MACIR: variants seen among roughly 807,000 people sequenced by gnomAD.
MACIR encodes UNC119-binding protein C5orf30.
MACIR carries 4 observed loss-of-function variants against 14.3 expected under a neutral mutation model. The ratio of observed to expected loss-of-function variants is 0.28; its 90% CI spans 0.14 to 0.64. MACIR has a LOEUF of 0.64. Among genes scored for constraint, MACIR ranks in the 30% least tolerant of loss-of-function variants. The pLI, the probability that MACIR is intolerant of heterozygous loss-of-function variation, is 0.83. For synonymous variants in MACIR, 101 were observed against 102.4 expected, an observed-to-expected ratio of 0.99 and a Z score of 0.08; for missense variants, 228 against 257.6, an observed-to-expected ratio of 0.89 and a Z score of 0.79.
At chr5:103,266,586 A>G (rs1047041745) in intron 2 of MACIR, among the ~76,000 whole-genome samples, 1 of 152,066 alleles carries the variant, frequency 6.6e-6, no homozygotes, top group Non-Finnish European at 1.5e-5. Flanking sequence ...TTGCTGACAT[A>G]GTTGTCCATG....
chr5:103,261,655 T>C (rs1315879648), intron 1 of MACIR, among the ~76,000 whole-genome samples: 3 of 99,752 alleles, frequency 3.0e-5, no homozygotes, highest in South Asian at 5.6e-4. Context: ...TCTTTCTTTC[T>C]TTCTTTCTTT....
At position 103,276,075 on chromosome 5, in the gene MACIR, G is replaced by T; in HGVS notation, c.156G>T (p.Gln52His). 3 of 1,614,046 alleles carry T rather than the reference G, an allele frequency of 1.9e-6. No homozygotes were observed. The highest frequency in any genetic ancestry group is 2.5e-6 in the Non-Finnish European group (3 of 1,180,020). Residue 52 changes from glutamine to histidine, a missense_variant, in exon 3 of 3, where the codon CAG becomes CAT. Gln to His is a conservative substitution (Grantham distance 24, BLOSUM62 0). Coordinates refer to ENST00000319933, the MANE Select transcript of MACIR (RefSeq NM_033211.4). ...SPMRRTVSGYQILHMDSNYLV... is the reference protein window; with the variant it reads ...SPMRRTVSGYHILHMDSNYLV... ...TGCGGAGGACCGTGTCAGGCTACCA[G>T]ATCCTACACATGGACTCTAACTATT...
chr5:103,267,893 G>C (rs1173567482), intron 2 of MACIR, among the ~76,000 whole-genome samples: 1 of 151,798 alleles, frequency 6.6e-6, no homozygotes, highest in Non-Finnish European at 1.5e-5. Context: ...CCCACCCTAG[G>C]CCTTGGCAAT....
intron 2 of MACIR, among the ~76,000 whole-genome samples, chr5:103,268,473 A>G (rs1805006162): frequency 6.6e-6 from 1 of 152,210 alleles, no homozygotes; most frequent in Admixed American, 6.5e-5. Flanking sequence ...GTTAGCAATT[A>G]TAAGCAGCCA....
Position 103,276,250 on chromosome 5 carries a change from A to G in MACIR, c.331A>G (p.Ser111Gly), listed in dbSNP as rs782394626. Residue 111 changes from serine to glycine, a missense_variant, in exon 3 of 3, where the codon AGT becomes GGT. Ser to Gly is a moderately conservative substitution (Grantham distance 56). Transcript: ENST00000319933. ...TTCCTCTCGTTTGTATAAAACCAGAAGTAGGTACTACCAGCCATACGAGAT... is the reference window on the plus strand; with the variant it reads ...TTCCTCTCGTTTGTATAAAACCAGAGGTAGGTACTACCAGCCATACGAGAT... ...ARSSRLYKTR[S>G]RYYQPYEIPA... 2 of 1,612,660 alleles carry G rather than the reference A, an allele frequency of 1.2e-6. No homozygotes were observed. The highest frequency in any genetic ancestry group is 2.2e-5 in the South Asian group (2 of 90,984).
chr5:103,273,580 T>C (rs1246880789), intron 2 of MACIR, among the ~76,000 whole-genome samples: 1 of 152,200 alleles, frequency 6.6e-6, no homozygotes, highest in East Asian at 1.9e-4. Context: ...ATTCTCAGAA[T>C]TTCTGACAGT....
chr5:103,260,473 T>C (rs1804638622), intron 1 of MACIR, among the ~76,000 whole-genome samples: 1 of 151,778 alleles, frequency 6.6e-6, no homozygotes, highest in African/African-American at 2.4e-5. Flanking sequence ...TAACTGTGAA[T>C]GCATTATAAA....
chr5:103,258,487 G>C (rs979539051), upstream of MACIR, among the ~76,000 whole-genome samples: 100 of 151,960 alleles, frequency 6.6e-4, 1 homozygote, highest in African/African-American at 2.4e-3. Flanking sequence ...ACTAGAGAGC[G>C]GGTGTTGCGA....
At chr5:103,271,469 A>C (rs1554237110) in intron 2 of MACIR, among the ~76,000 whole-genome samples, 7 of 152,024 alleles carry the variant, frequency 4.6e-5, no homozygotes, top group Non-Finnish European at 7.4e-5. Flanking sequence ...TTTAGCCAAA[A>C]TTTACAATTT....
intron 2 of MACIR, among the ~76,000 whole-genome samples, chr5:103,274,791 A>G (rs973381385): frequency 4.6e-5 from 7 of 152,168 alleles, no homozygotes; most frequent in Non-Finnish European, 1.0e-4. Context: ...TAAATTTTTC[A>G]TCTTAAAATC....
intron 2 of MACIR, among the ~76,000 whole-genome samples, chr5:103,270,365 G>C (rs1020511810): frequency 6.6e-6 from 1 of 152,146 alleles, no homozygotes; most frequent in Admixed American, 6.6e-5. Context: ...ATTGTAGAAA[G>C]AAGTAATCAC....
intron 2 of MACIR, among the ~76,000 whole-genome samples, chr5:103,274,303 C>T (rs1255791406): frequency 6.6e-6 from 1 of 151,636 alleles, no homozygotes; most frequent in Non-Finnish European, 1.5e-5. Context: ...TGGTAGTCAC[C>T]TGATATTCCA....
At chr5:103,260,525 A>C (rs1804642118) in intron 1 of MACIR, among the ~76,000 whole-genome samples, 1 of 152,212 alleles carries the variant, frequency 6.6e-6, no homozygotes, top group African/African-American at 2.4e-5. Flanking sequence ...AGAGTTAATG[A>C]ATACAGAGAC....
chr5:103,271,131 CTATATA>C (rs1287193017), intron 2 of MACIR, among the ~76,000 whole-genome samples: 1 of 151,926 alleles, frequency 6.6e-6, no homozygotes, highest in Non-Finnish European at 1.5e-5. Context: ...TAAATGAACT[CTATATA>C]TAGGAAAGCT....
intron 2 of MACIR, among the ~76,000 whole-genome samples, chr5:103,269,199 C>A (rs187637394): frequency 6.6e-6 from 1 of 152,040 alleles, no homozygotes; most frequent in Non-Finnish European, 1.5e-5. Flanking sequence ...CAGAGCAAGA[C>A]CCTGTGTCTA....
chr5:103,275,857 G>C, intron 2 of MACIR, 40 bp from the exon 3 acceptor site: 1 of 1,536,854 alleles, frequency 6.5e-7, no homozygotes, highest in Non-Finnish European at 8.8e-7. Flanking sequence ...CCAAGTCTCT[G>C]TGCATTATAT....
intron 2 of MACIR, among the ~76,000 whole-genome samples, chr5:103,274,490 T>C (rs1379816090): frequency 6.6e-6 from 1 of 151,890 alleles, no homozygotes; most frequent in Non-Finnish European, 1.5e-5. Flanking sequence ...TGAGAATAAA[T>C]AGTGAGTAAT....
intron 2 of MACIR, among the ~76,000 whole-genome samples, chr5:103,266,270 C>T (rs929988798): frequency 2.0e-5 from 3 of 152,026 alleles, no homozygotes; most frequent in African/African-American, 7.2e-5. Flanking sequence ...ACGTAAAGAT[C>T]TTATGAAATA....
chr5:103,274,965 C>T lies in MACIR; in HGVS notation c.-23-932C>T, dbSNP rs571742339. On this transcript the variant is annotated intron_variant, in intron 2 of 2. Transcript: ENST00000319933. ...CTATCTGTAGCTTTCAGGAACCTAG[C>T]CGCCATTTGTTCTATTTCTTGTCAA... Among the ~76,000 whole-genome samples, 22 of 152,236 alleles carry T rather than the reference C, an allele frequency of 1.4e-4. No homozygotes were observed. The South Asian group carries it at 2.7e-3, about 19-fold the overall frequency.
Sources: allele counts gnomAD v4.1 joint callset (sites outside exome capture counted in the v4.1 genomes callset), GRCh38; gene constraint gnomAD v4.1.1; transcripts MANE v1.5; gene names NCBI Gene and HGNC (gene_info 2026-07-23, HGNC 2026-07-21).